ANXA6: variants seen among roughly 807,000 people sequenced by gnomAD.
ANXA6 encodes annexin A6, also known as 67 kDa calelectrin.
In ANXA6, 71 loss-of-function variants were observed where a neutral mutation model predicts 95.4. The observed-to-expected ratio is 0.74, with a 90% CI of 0.61 to 0.91. The LOEUF (loss-of-function observed/expected upper bound fraction) is 0.91. Among genes scored for constraint, ANXA6 ranks in the 40% least tolerant of loss-of-function variants. ANXA6 has a pLI of 0.00. For missense variants in ANXA6, 830 were observed against 876.4 expected (o/e 0.95, Z 0.67); for synonymous variants, 289 against 315.9 (o/e 0.91, Z 0.90).
chr5:151,112,785 C>T lies in ANXA6; in HGVS notation c.1573-2141G>A, dbSNP rs1015220017. 2.0e-5 allele frequency among the ~76,000 whole-genome samples: 3 copies of T among 152,316 alleles called. No homozygotes were observed. In the Middle Eastern group the frequency reaches 0.01, roughly 518 times the overall value. ...GTTGCAGTGAGCCAAGATTGTGCCACTGCACTCCAACCTGGGTCTCAACCC... is the reference window on the plus strand; with the variant it reads ...GTTGCAGTGAGCCAAGATTGTGCCATTGCACTCCAACCTGGGTCTCAACCC... On this transcript the variant is annotated intron_variant, in intron 20 of 25. Coordinates refer to ENST00000354546, the MANE Select transcript of ANXA6 (RefSeq NM_001155.5).
At chr5:151,114,267 A>G (rs1480110331) in intron 20 of ANXA6, among the ~76,000 whole-genome samples, 1 of 152,140 alleles carries the variant, frequency 6.6e-6, no homozygotes, top group African/African-American at 2.4e-5. Context: ...TACACTTTAA[A>G]TGGGTCAATA....
chr5:151,103,835 A>G lies in ANXA6; in HGVS notation c.1840-143T>C, dbSNP rs574295106. Reference sequence around the variant, plus strand: ...TGTTCCACCTCTGTCTTCTGCAAACAGTCCTGACCAAAATCCCTCTGTGCC... The same window carrying G: ...TGTTCCACCTCTGTCTTCTGCAAACGGTCCTGACCAAAATCCCTCTGTGCC... On this transcript the variant is annotated intron_variant, in intron 24 of 25. Transcript: ENST00000354546. 150 of 1,041,354 alleles carry G rather than the reference A, an allele frequency of 1.4e-4. No individual in the cohort carries two copies. The South Asian group carries it at 2.7e-3, about 19-fold the overall frequency. 64.5% of individuals were successfully genotyped at this position (1,041,354 alleles called of 1,614,324 possible).
intron 22 of ANXA6, among the ~76,000 whole-genome samples, chr5:151,109,247 C>T (rs1470866407): frequency 2.0e-5 from 3 of 152,122 alleles, no homozygotes; most frequent in Admixed American, 6.5e-5. Flanking sequence ...TAATGTAGTG[C>T]CAGACATTAA....
intron 17 of ANXA6, among the ~76,000 whole-genome samples, chr5:151,120,584 T>C (rs11167537): frequency 0.28 from 43,276 of 151,948 alleles, 6,771 homozygotes; most frequent in East Asian, 0.48. Flanking sequence ...CTGGTCGTGG[T>C]GGCGTGCGCC....
chr5:151,140,067 G>T, intron 3 of ANXA6, 86 bp downstream of exon 3: 1 of 1,169,854 alleles, frequency 8.5e-7, no homozygotes, highest in Non-Finnish European at 1.2e-6. Flanking sequence ...CCATTTCACA[G>T]ACCCTACCAC....
intron 12 of ANXA6, among the ~76,000 whole-genome samples, chr5:151,129,156 C>T (rs770405427): frequency 1.2e-4 from 18 of 152,230 alleles, no homozygotes; most frequent in Non-Finnish European, 2.4e-4. Flanking sequence ...GCACTTAATT[C>T]AGCTTGCGTG....
In ANXA6 at chr5:151,131,133, C is replaced by T. The variant is rs1034451948; in HGVS notation, c.795+98G>A. The T allele has an allele frequency of 3.8e-6, 5 of 1,314,960 alleles. No homozygotes were observed. The East Asian group carries it at 7.0e-5, about 18-fold the overall frequency. The allele number at this position is 1,314,960 out of a possible 1,614,324, so 81.5% of individuals were successfully genotyped here. A position where few individuals can be genotyped will look rare whatever the true frequency, so the allele number is the denominator to read the frequency against. Reference sequence around the variant, plus strand: ...CACCAGGGTCAGTCCTGTGGCCATCCCTGAAGGGCTCTCTTTGGCCACTGG... The same window carrying T: ...CACCAGGGTCAGTCCTGTGGCCATCTCTGAAGGGCTCTCTTTGGCCACTGG... On this transcript the variant is annotated intron_variant, in intron 11 of 25. Transcript: ENST00000354546.
rs1358406784 is a variant in ANXA6, at chr5:151,117,795, G to T, written c.1481C>A (p.Ser494Tyr). The T allele has an allele frequency of 6.2e-7, 1 of 1,613,750 alleles. No homozygotes were observed. The highest frequency in any genetic ancestry group is 2.2e-5 in the East Asian group (1 of 44,896). ...SLEDALSSDT[S>Y]GHFRRILISL... ...AATGAGGATCCTCCTGAAGTGGCCA[G>T]ATGTGTCTGAGCTCAGAGCATCCTC... The change falls in exon 19 of 26, where the codon TCT (serine) becomes TAT (tyrosine). Residue 494 changes from serine (S) to tyrosine (Y), a missense_variant. By Grantham distance (144) the Ser-to-Tyr change is moderately radical. Coordinates refer to ENST00000354546, the MANE Select transcript of ANXA6 (RefSeq NM_001155.5).
chr5:151,156,083 G>A (rs6859236), intron 1 of ANXA6, among the ~76,000 whole-genome samples: 66,321 of 152,182 alleles, frequency 0.44, 15,223 homozygotes, highest in Non-Finnish European at 0.51. Context: ...GAAACTGCAA[G>A]TATTTTCTGT....
intron 2 of ANXA6, among the ~76,000 whole-genome samples, chr5:151,146,228 C>G (rs1561585525): frequency 6.6e-6 from 1 of 152,208 alleles, no homozygotes; most frequent in Non-Finnish European, 1.5e-5. Flanking sequence ...CCTGGCCTGT[C>G]CACTTGGATC....
intron 21 of ANXA6, among the ~76,000 whole-genome samples, chr5:151,110,102 A>G (rs1764808272): frequency 6.6e-6 from 1 of 152,092 alleles, no homozygotes; most frequent in African/African-American, 2.4e-5. Context: ...TAGCCTCAGG[A>G]CCGTGGGGCT....
chr5:151,153,571 A>G (rs928604598), intron 1 of ANXA6, among the ~76,000 whole-genome samples: 2 of 152,202 alleles, frequency 1.3e-5, no homozygotes, highest in Non-Finnish European at 2.9e-5. Context: ...CCTCCAAGGT[A>G]TTATGGGAAA....
intron 14 of ANXA6, among the ~76,000 whole-genome samples, chr5:151,125,598 C>T (rs1765294688): frequency 6.6e-6 from 1 of 152,166 alleles, no homozygotes; most frequent in Admixed American, 6.5e-5. Flanking sequence ...CGGCACCAAA[C>T]CAAGACTTCC....
At position 151,122,308 on chromosome 5, in the gene ANXA6, A is replaced by G. The variant is rs1378985896; in HGVS notation, c.1234-48T>C. On this transcript the variant is annotated intron_variant, in intron 16 of 25. Transcript: ENST00000354546. ...CATGCCAACATCAGCACTTGCCCAC[A>G]CATGACTCAGGATGGGAGAGATGGA... The G allele has an allele frequency of 3.5e-6, 4 of 1,130,198 alleles. No individual in the cohort carries two copies. The South Asian group carries it at 4.2e-5, about 12-fold the overall frequency. 70.0% of individuals were successfully genotyped at this position (1,130,198 alleles called of 1,614,324 possible).
At chr5:151,145,509 C>A (rs115681823) in intron 2 of ANXA6, among the ~76,000 whole-genome samples, 1,552 of 152,314 alleles carry the variant, frequency 0.01, 29 homozygotes, top group African/African-American at 0.035. Context: ...CTCAAGTTCT[C>A]CTCTTCCAAA....
intron 10 of ANXA6, 30 bp from the exon 11 acceptor site, chr5:151,131,319 T>C: frequency 1.2e-6 from 2 of 1,611,648 alleles, no homozygotes; most frequent in Non-Finnish European, 1.7e-6. Context: ...GGTAGAGTTA[T>C]TCTGGCTGCC....
At chr5:151,139,740 A>G (rs1451506747) in intron 3 of ANXA6, among the ~76,000 whole-genome samples, 1 of 152,240 alleles carries the variant, frequency 6.6e-6, no homozygotes, top group Non-Finnish European at 1.5e-5. Flanking sequence ...CCAAGGTCTC[A>G]CAATGAACCT....
chr5:151,129,968 C>T (rs748708450), intron 11 of ANXA6, among the ~76,000 whole-genome samples: 2 of 152,328 alleles, frequency 1.3e-5, no homozygotes, highest in Middle Eastern at 3.4e-3. Context: ...TCCCAAAATG[C>T]TACGATTACA....
intron 3 of ANXA6, 61 bp downstream of exon 3, chr5:151,140,092 C>A: frequency 2.7e-6 from 4 of 1,505,174 alleles, no homozygotes; most frequent in Non-Finnish European, 3.7e-6. Flanking sequence ...ACCAGAAGGG[C>A]TCTGGGCTGT....
Sources: gnomAD v4.1 joint callset for allele counts (sites outside exome capture counted in the v4.1 genomes callset) on GRCh38, gnomAD v4.1.1 for gene constraint, MANE v1.5 for transcripts, NCBI Gene and HGNC (gene_info 2026-07-23, HGNC 2026-07-21) for gene names.